Variants in GIPC2 observed in about 807,000 individuals in gnomAD.
GIPC2 encodes the protein PDZ domain-containing protein GIPC2.
GIPC2 carries 30 observed loss-of-function variants against 30.6 expected under a neutral mutation model. The ratio of observed to expected loss-of-function variants is 0.98; its 90% CI spans 0.73 to 1.33. The LOEUF is 1.33. Among genes scored for constraint, GIPC2 ranks in the 40% most tolerant of loss-of-function variants. The probability of loss-of-function intolerance (pLI) is 0.00; values close to 1 mark genes in which losing one functional copy is unlikely to be tolerated. For missense variants in GIPC2, 414 were observed against 390.3 expected, an observed-to-expected ratio of 1.06 and a Z score of -0.51; for synonymous variants, 167 against 150.0, an observed-to-expected ratio of 1.11 and a Z score of -0.83.
rs976762851 is a variant in GIPC2, at chr1:78,069,002, G to C, written c.241-11673G>C. 3 of 867,790 alleles carry C rather than the reference G, an allele frequency of 3.5e-6. No individual in the cohort carries two copies. In the African/African-American group the frequency reaches 5.5e-5, roughly 16 times the overall value. 53.8% of individuals were successfully genotyped at this position (867,790 alleles called of 1,614,324 possible). ...TCTCCCTCTCTTTTCTAAGTGCTCTGCCTCCCCTAGCACCGGGAGTCTTGC... is the reference window on the plus strand; with the variant it reads ...TCTCCCTCTCTTTTCTAAGTGCTCTCCCTCCCCTAGCACCGGGAGTCTTGC... On this transcript the variant is annotated intron_variant, in intron 1 of 5. Transcript: ENST00000370759.
At chr1:78,080,592 C>T in intron 1 of GIPC2, 83 bp from the exon 2 acceptor site, 1 of 742,520 alleles carries the variant, frequency 1.3e-6, no homozygotes, top group South Asian at 2.1e-5. Flanking sequence ...AGGAGTATTT[C>T]AGTCAATAAA....
chr1:78,085,641 G>C (rs1467248165), intron 2 of GIPC2, among the ~76,000 whole-genome samples: 2 of 151,396 alleles, frequency 1.3e-5, no homozygotes, highest in Non-Finnish European at 1.5e-5. Context: ...TCCTGGTTCA[G>C]TCTTGGGAGA....
rs903172221 is a variant in GIPC2, at chr1:78,119,455, A to G, written c.670A>G (p.Thr224Ala). ...SGEKIGCGRA[T>A]LRLRSKGPAT... is the part of the protein sequence containing the mutation. ...AGAAAAAATTGGTTGTGGAAGGGCA[A>G]CACTTCGCCTGAGATCAAAAGGTCC... The change falls in exon 4 of 6, where the codon ACA becomes GCA. Residue 224 changes from threonine (T) to alanine (A), a missense_variant. By Grantham distance (58) the Thr-to-Ala change is moderately conservative. Coordinates refer to ENST00000370759, the MANE Select transcript of GIPC2 (RefSeq NM_017655.6). The G allele has an allele frequency of 3.1e-6, 5 of 1,613,254 alleles. No homozygotes were observed. The East Asian group carries it at 6.7e-5, about 22-fold the overall frequency.
At chr1:78,122,615 A>G (rs1482411694) in intron 4 of GIPC2, among the ~76,000 whole-genome samples, 1 of 152,118 alleles carries the variant, frequency 6.6e-6, no homozygotes, top group Non-Finnish European at 1.5e-5. Flanking sequence ...TATCACGAGA[A>G]CAGCCTGGGG....
intron 1 of GIPC2, among the ~76,000 whole-genome samples, chr1:78,055,695 G>A (rs1031583355): frequency 6.6e-6 from 1 of 152,128 alleles, no homozygotes; most frequent in African/African-American, 2.4e-5. Context: ...CTAAGAAAGA[G>A]TCTTTGTTGT....
chr1:78,052,013 A>G (rs180952331), intron 1 of GIPC2, among the ~76,000 whole-genome samples: 2 of 152,280 alleles, frequency 1.3e-5, no homozygotes, highest in Non-Finnish European at 2.9e-5. Context: ...ACTTGGAACA[A>G]ACCAAAATAC....
At chr1:78,083,502 G>A (rs1025410566) in intron 2 of GIPC2, among the ~76,000 whole-genome samples, 17 of 152,272 alleles carry the variant, frequency 1.1e-4, no homozygotes, top group African/African-American at 3.9e-4. Context: ...ATTGTGGAGA[G>A]ATGCTTTGAT....
At chr1:78,072,049 A>G (rs752459896) in intron 1 of GIPC2, among the ~76,000 whole-genome samples, 2 of 152,208 alleles carry the variant, frequency 1.3e-5, no homozygotes, top group Non-Finnish European at 2.9e-5. Flanking sequence ...TTGGAGTTCC[A>G]ACTGCACCAA....
chr1:78,076,704 G>A (rs1465951434), intron 1 of GIPC2, among the ~76,000 whole-genome samples: 1 of 152,132 alleles, frequency 6.6e-6, no homozygotes, highest in East Asian at 1.9e-4. Flanking sequence ...CTAGGGGTTG[G>A]GGACCCCTGC....
At chr1:78,078,849 A>C (rs1055512537) in intron 1 of GIPC2, among the ~76,000 whole-genome samples, 2 of 151,464 alleles carry the variant, frequency 1.3e-5, no homozygotes, top group Non-Finnish European at 2.9e-5. Flanking sequence ...AAAAAAAAAA[A>C]AAAAAAACAA....
At chr1:78,092,155 TTATAGTCTAGAGCCTTTAAAAAACC>T in intron 2 of GIPC2, 1 of 765,830 alleles carries the variant, frequency 1.3e-6, no homozygotes, top group South Asian at 1.6e-5. Context: ...CAAGATGTTT[TTATAGTCTAGAGCCTTTAAAAAACC>T]CAAGGGAATG....
intron 1 of GIPC2, among the ~76,000 whole-genome samples, chr1:78,050,825 A>G (rs1215287754): frequency 1.3e-5 from 2 of 151,926 alleles, no homozygotes; most frequent in African/African-American, 4.8e-5. Context: ...TAGTAGAGGC[A>G]GGGTTTCACT....
chr1:78,127,745 A>T (rs1007671504), intron 5 of GIPC2, among the ~76,000 whole-genome samples: 2 of 152,220 alleles, frequency 1.3e-5, no homozygotes, highest in African/African-American at 4.8e-5. Flanking sequence ...GCTGGAGTGC[A>T]GTGGCACAAT....
intron 2 of GIPC2, among the ~76,000 whole-genome samples, chr1:78,086,518 T>C (rs1325100141): frequency 1.3e-5 from 2 of 152,202 alleles, no homozygotes; most frequent in Admixed American, 6.5e-5. Context: ...CTACTGTCAG[T>C]AGAGTGTTGA....
chr1:78,082,767 GA>G (rs1391368329), intron 2 of GIPC2, among the ~76,000 whole-genome samples: 1 of 152,172 alleles, frequency 6.6e-6, no homozygotes, highest in African/African-American at 2.4e-5. Flanking sequence ...TTAGAAGAGA[GA>G]TGCACATTAT....
At chr1:78,125,592 A>G (rs1046608340) in intron 4 of GIPC2, among the ~76,000 whole-genome samples, 11 of 152,024 alleles carry the variant, frequency 7.2e-5, no homozygotes, top group Admixed American at 1.3e-4. Context: ...AAACTGTTAC[A>G]TGTTATTTAT....
At chr1:78,068,636 C>T (rs1018697334) in intron 1 of GIPC2, among the ~76,000 whole-genome samples, 1 of 152,024 alleles carries the variant, frequency 6.6e-6, no homozygotes, top group African/African-American at 2.4e-5. Flanking sequence ...AGAGTTATCC[C>T]AGTTATAACC....
chr1:78,083,213 A>G lies in GIPC2; in HGVS notation c.426+2353A>G, dbSNP rs183815629. 1.9e-3 allele frequency among the ~76,000 whole-genome samples: 289 copies of G among 152,156 alleles called. 2 individuals are homozygous for G. Among genetic ancestry groups the G allele is most frequent in the African/African-American group, 6.6e-3 (273 of 41,510 alleles). On this transcript the variant is annotated intron_variant, in intron 2 of 5. Transcript: ENST00000370759. ...TTCTTTATAATCTAGAATAGTTGTC[A>G]TGTCTTTTTAGTCTTCCTTAATCTA...
intron 1 of GIPC2, among the ~76,000 whole-genome samples, chr1:78,070,567 A>G (rs1661598554): frequency 6.6e-6 from 1 of 151,960 alleles, no homozygotes; most frequent in African/African-American, 2.4e-5. Flanking sequence ...GATTTATTTT[A>G]TTCGTTGGTT....
Sources: gnomAD v4.1 joint callset for allele counts (sites outside exome capture counted in the v4.1 genomes callset) on GRCh38, gnomAD v4.1.1 for gene constraint, MANE v1.5 for transcripts, NCBI Gene and HGNC (gene_info 2026-07-23, HGNC 2026-07-21) for gene names.